The following PLXNA4 variants were observed in gnomAD, a reference collection of about 807,000 sequenced individuals.
PLXNA4 encodes the protein plexin-A4.
Under a neutral mutation model 191.8 loss-of-function variants are expected in PLXNA4, and 44 were observed. That is an observed-to-expected ratio of 0.23 (90% CI 0.18 to 0.29). PLXNA4 has a LOEUF of 0.29. Among genes scored for constraint, PLXNA4 ranks in the 10% least tolerant of loss-of-function variants. The pLI is 1.00. For synonymous variants in PLXNA4, 1,082 were observed against 1,009.5 expected (o/e 1.07, Z -1.36); for missense variants, 1,800 against 2,488.8 (o/e 0.72, Z 5.89).
intron 1 of PLXNA4, among the ~76,000 whole-genome samples, chr7:132,648,116 T>C (rs1803919451): frequency 6.6e-6 from 1 of 151,924 alleles, no homozygotes; most frequent in Admixed American, 6.6e-5. Context: ...TACACACATA[T>C]GCACTCACAC....
chr7:132,401,421 G>A (rs914434913), intron 3 of PLXNA4, among the ~76,000 whole-genome samples: 1 of 152,332 alleles, frequency 6.6e-6, no homozygotes, highest in Middle Eastern at 3.4e-3. Context: ...GTGAAGCCCA[G>A]GCTGAGAACC....
chr7:132,224,930 G>A (rs1033877613), intron 8 of PLXNA4, among the ~76,000 whole-genome samples: 1 of 152,222 alleles, frequency 6.6e-6, no homozygotes, highest in Non-Finnish European at 1.5e-5. Context: ...ACAGGAGTAT[G>A]TTAAAACAAG....
chr7:132,502,080 C>G (rs1798278772), intron 2 of PLXNA4, among the ~76,000 whole-genome samples: 1 of 152,204 alleles, frequency 6.6e-6, no homozygotes, highest in African/African-American at 2.4e-5. Context: ...AGAAAACACC[C>G]CAAGAAGACC....
At chr7:132,384,280 C>G in intron 3 of PLXNA4, 1 of 985,440 alleles carries the variant, frequency 1.0e-6, no homozygotes, top group African/African-American at 1.7e-5. Context: ...TTTCAAGTAA[C>G]CAGATTAGCA....
In PLXNA4 at chr7:132,153,576, G is replaced by A. The variant is rs115627787; in HGVS notation, c.4661-4930C>T. 1.8e-3 allele frequency among the ~76,000 whole-genome samples: 277 copies of A among 152,230 alleles called. 1 individual carries two copies. Among genetic ancestry groups the A allele is most frequent in the African/African-American group, 6.3e-3 (261 of 41,544 alleles). On this transcript the variant is annotated intron_variant, in intron 25 of 31. Coordinates refer to ENST00000321063, the MANE Select transcript of PLXNA4 (RefSeq NM_020911.2). ...GAAGGGGAGAGGTAGGGGGACCCTG[G>A]CCTGCCTCCAAGTGTGTGGAGATCC...
intron 3 of PLXNA4, among the ~76,000 whole-genome samples, chr7:132,407,581 C>T (rs1410683904): frequency 6.6e-6 from 1 of 152,190 alleles, no homozygotes; most frequent in Non-Finnish European, 1.5e-5. Context: ...TCCCAGCATG[C>T]CCCCTGGAAA....
At chr7:132,490,579 C>T (rs1451228337) in intron 2 of PLXNA4, among the ~76,000 whole-genome samples, 1 of 151,940 alleles carries the variant, frequency 6.6e-6, no homozygotes, top group African/African-American at 2.4e-5. Context: ...GCATGTGCCA[C>T]CATGCCTGGC....
Position 132,564,928 on chromosome 7 carries a change from C to T in PLXNA4, c.-87+11494G>A, listed in dbSNP as rs186696487. Among the ~76,000 whole-genome samples, 228 of 150,032 alleles carry T rather than the reference C, an allele frequency of 1.5e-3. 2 individuals are homozygous for T. The highest frequency in any genetic ancestry group is 5.2e-3 in the African/African-American group (210 of 40,058). ...GCCATCCCTGCTGCATTCTCCTTTC[C>T]GACCTGCCATCCCTGCTGCATTCTC... On this transcript the variant is annotated intron_variant, in intron 1 of 31. Coordinates refer to ENST00000321063, the MANE Select transcript of PLXNA4 (RefSeq NM_020911.2).
chr7:132,630,960 T>C (rs1452870043), intron 2 of PLXNA4, among the ~76,000 whole-genome samples: 2 of 152,240 alleles, frequency 1.3e-5, no homozygotes, highest in African/African-American at 4.8e-5. Context: ...CTAAAACCCT[T>C]CAACTTCTTC....
intron 1 of PLXNA4, among the ~76,000 whole-genome samples, chr7:132,574,865 A>G (rs1010790000): frequency 2.0e-5 from 3 of 152,194 alleles, no homozygotes; most frequent in Admixed American, 6.5e-5. Context: ...CCAAATTCTG[A>G]GCCTAGCACT....
intron 14 of PLXNA4, among the ~76,000 whole-genome samples, chr7:132,189,043 AGAGAGAGAGAGAGAGAGAGAGAG>A (rs1797004998): frequency 2.3e-5 from 2 of 88,514 alleles, no homozygotes; most frequent in Non-Finnish European, 4.3e-5. Flanking sequence ...AGAGAGAGAG[AGAGAGAGAGAGAGAGAGAGAGAG>A]AAGATTGTGC....
Position 132,508,393 on chromosome 7 carries a change from C to T in PLXNA4, c.301G>A (p.Val101Ile), listed in dbSNP as rs754870203. The T allele has an allele frequency of 1.9e-5, 31 of 1,614,174 alleles. No individual in the cohort carries two copies. The highest frequency in any genetic ancestry group is 2.4e-5 in the Non-Finnish European group (28 of 1,180,020). ...GTCAGGGGCTCATTGCAGGTCTGGACGATGCGGGGTGGGTAACACTTGGGG... is the reference window on the plus strand; with the variant it reads ...GTCAGGGGCTCATTGCAGGTCTGGATGATGCGGGGTGGGTAACACTTGGGG... ...DNPKCYPPRI[V>I]QTCNEPLTTT... is the part of the protein sequence containing the mutation. Residue 101 changes from valine (V) to isoleucine (I), a missense_variant, in exon 2 of 32, where the codon GTC becomes ATC. Physicochemically the swap from Val to Ile is conservative, Grantham distance 29 (BLOSUM62 3). Transcript: ENST00000321063. This position sits in a 1 kb window ranked among gnomAD's most constrained non-coding sequence, Gnocchi z 4.4.
At chr7:132,174,675 C>G (rs1337907634) in intron 21 of PLXNA4, 103 bp downstream of exon 21, 1 of 1,526,876 alleles carries the variant, frequency 6.5e-7, no homozygotes, top group East Asian at 2.3e-5. Flanking sequence ...AGTTGTGTCC[C>G]CTCCCTGGCC....
intron 3 of PLXNA4, among the ~76,000 whole-genome samples, chr7:132,314,196 G>C (rs1801855491): frequency 1.3e-5 from 2 of 152,256 alleles, no homozygotes; most frequent in African/African-American, 4.8e-5. Flanking sequence ...CAGTTTCACA[G>C]AACCAAACAA....
intron 6 of PLXNA4, among the ~76,000 whole-genome samples, 175 bp from the exon 7 acceptor site, chr7:132,227,779 C>T (rs538762104): frequency 2.6e-5 from 4 of 152,076 alleles, no homozygotes; most frequent in Non-Finnish European, 5.9e-5. Flanking sequence ...GGCACAGAGG[C>T]CGTGGTGAGA....
chr7:132,145,649 T>C (rs1795397894), intron 28 of PLXNA4: 6 of 284,790 alleles, frequency 2.1e-5, no homozygotes, highest in Non-Finnish European at 3.4e-5. Flanking sequence ...CTGGCTTTGT[T>C]TGGGCATTAC....
rs10256987 is a variant in PLXNA4 at position 132,148,666 on chromosome 7, G to A, written c.4661-20C>T. On this transcript the variant is annotated intron_variant, in intron 25 of 31. Coordinates refer to ENST00000321063, the MANE Select transcript of PLXNA4 (RefSeq NM_020911.2). ...GCCACTCTGCCAAAAGAGCGGTGGCGTTTCAGAGAGGCCCTATGACCCCTC... is the reference window on the plus strand; with the variant it reads ...GCCACTCTGCCAAAAGAGCGGTGGCATTTCAGAGAGGCCCTATGACCCCTC... 0.059 allele frequency: 95,863 copies of A among 1,613,718 alleles called. 5,664 individuals carry two copies. Among genetic ancestry groups the A allele is most frequent in the African/African-American group, 0.31 (23,402 of 74,892 alleles).
intron 22 of PLXNA4, among the ~76,000 whole-genome samples, chr7:132,166,372 T>TTTTTTTTTTTGAGACGGAGTCTC (rs1198306499): frequency 6.7e-6 from 1 of 148,806 alleles, no homozygotes; most frequent in Non-Finnish European, 1.5e-5. Flanking sequence ...TCTTTTACTT[T>TTTTTTTTTTTGAGACGGAGTCTC]GGAAGTGAAG....
intron 21 of PLXNA4, among the ~76,000 whole-genome samples, chr7:132,173,038 C>T (rs1796340638): frequency 6.6e-6 from 1 of 152,218 alleles, no homozygotes; most frequent in Non-Finnish European, 1.5e-5. Context: ...GTGCCAGGCA[C>T]TCTACTCTGC....
Sources: gnomAD v4.1 joint callset for allele counts (sites outside exome capture counted in the v4.1 genomes callset) on GRCh38, gnomAD v4.1.1 for gene constraint, Gnocchi (gnomAD v3.1) non-coding constraint, MANE v1.5 for transcripts, NCBI Gene and HGNC (gene_info 2026-07-23, HGNC 2026-07-21) for gene names.